Variants in EML6 observed in about 807,000 individuals in gnomAD.
EML6 encodes the protein EMAP like 6, also known as echinoderm microtubule-associated protein-like 6.
A neutral mutation model predicts 240.1 loss-of-function variants in EML6; 154 were observed. The observed-to-expected ratio is 0.64, with a 90% confidence interval of 0.56 to 0.73. The LOEUF (loss-of-function observed/expected upper bound fraction) is 0.73, where lower values mean the gene tolerates loss of function less well. Ranked by LOEUF, EML6 falls within the 30% of genes least tolerant of loss-of-function variation. The probability of loss-of-function intolerance (pLI) is 0.00; values close to 1 mark genes in which losing one functional copy is unlikely to be tolerated. For synonymous variants in EML6, 1,148 were observed against 899.0 expected, an observed-to-expected ratio of 1.28 and a Z score of -4.95; for missense variants, 2,964 against 2,474.6, an observed-to-expected ratio of 1.20 and a Z score of -4.20.
intron 22 of EML6, among the ~76,000 whole-genome samples, chr2:54,901,672 G>A (rs564326446): frequency 6.6e-6 from 1 of 152,306 alleles, no homozygotes; most frequent in South Asian, 2.1e-4. Flanking sequence ...GGGCAGGCTT[G>A]TATTTTCATT....
chr2:54,860,493 C>T (rs779444934), intron 12 of EML6, among the ~76,000 whole-genome samples: 8 of 152,164 alleles, frequency 5.3e-5, no homozygotes, highest in African/African-American at 1.9e-4. Flanking sequence ...TTTAGAGGGG[C>T]AGACACACAT....
At chr2:54,955,846 T>TGACCAC (rs1392655360) in intron 32 of EML6, among the ~76,000 whole-genome samples, 5 of 152,244 alleles carry the variant, frequency 3.3e-5, no homozygotes, top group African/African-American at 1.2e-4. Context: ...TCTTCCGGGT[T>TGACCAC]GACCACGGAC....
chr2:54,862,856 T>A (rs953148317), intron 12 of EML6, among the ~76,000 whole-genome samples: 5 of 152,218 alleles, frequency 3.3e-5, no homozygotes, highest in African/African-American at 1.2e-4. Context: ...ACGTGAAGAA[T>A]TAACCCTTGG....
At chr2:54,928,260 C>G (rs1045444538) in intron 26 of EML6, 53 bp from the exon 27 acceptor site, 20 of 1,363,506 alleles carry the variant, frequency 1.5e-5, no homozygotes, top group Non-Finnish European at 2.0e-5. Flanking sequence ...ATAAACGAGC[C>G]CAGAGAAAGG....
At chr2:54,826,571 C>A (rs1264027486) in intron 5 of EML6, among the ~76,000 whole-genome samples, 1 of 152,078 alleles carries the variant, frequency 6.6e-6, no homozygotes, top group African/African-American at 2.4e-5. Flanking sequence ...CTGCACTCCA[C>A]CCTGGGCAGC....
chr2:54,903,337 T>C (rs1673159273), intron 23 of EML6, 34 bp from the exon 24 acceptor site: 2 of 1,544,582 alleles, frequency 1.3e-6, no homozygotes, highest in Non-Finnish European at 1.7e-6. Flanking sequence ...CTATATAAAA[T>C]GCTTCGATGT....
chr2:54,823,782 G>C (rs188207160), intron 5 of EML6, among the ~76,000 whole-genome samples: 41 of 151,082 alleles, frequency 2.7e-4, no homozygotes, highest in African/African-American at 9.2e-4. Context: ...ATTTGTGATT[G>C]TTTCCCTCTG....
intron 28 of EML6, among the ~76,000 whole-genome samples, chr2:54,931,934 T>C (rs1377460473): frequency 6.6e-6 from 1 of 152,250 alleles, no homozygotes; most frequent in African/African-American, 2.4e-5. Context: ...TCAATTACTT[T>C]TGAAGCAACT....
rs147808390 is a variant in EML6, at chr2:54,792,861, A to G, written c.198-20371A>G. Among the ~76,000 whole-genome samples the G allele has an allele frequency of 3.5e-4, 53 of 152,362 alleles. 2 individuals carry two copies. In the South Asian group the frequency reaches 9.9e-3, roughly 29 times the overall value. ...AAGATGTTATGAGGACATACGGATT[A>G]TTGGAAGTAGTAGTTACTTCTGTCA... On this transcript the variant is annotated intron_variant, in intron 2 of 41. Transcript: ENST00000356458.
chr2:54,943,985 C>T (rs559266907), intron 28 of EML6, among the ~76,000 whole-genome samples: 2 of 152,120 alleles, frequency 1.3e-5, no homozygotes, highest in South Asian at 2.1e-4. Flanking sequence ...GAAAGAATCT[C>T]TCTTGGCCCT....
intron 38 of EML6, among the ~76,000 whole-genome samples, chr2:54,965,065 G>A (rs185956724): frequency 6.6e-6 from 1 of 152,220 alleles, no homozygotes; most frequent in African/African-American, 2.4e-5. Context: ...GCCTTGTGCC[G>A]CTTCTGGTAT....
intron 7 of EML6, among the ~76,000 whole-genome samples, chr2:54,842,189 T>C (rs1281826757): frequency 1.3e-5 from 2 of 152,216 alleles, no homozygotes; most frequent in Non-Finnish European, 2.9e-5. Flanking sequence ...TCCTACAGGA[T>C]AGTTTCACTG....
In EML6 at chr2:54,846,700, T is replaced by A. The variant is rs1669777496; in HGVS notation, c.1050-786T>A. ...AGTCTCACCATGTTGCTCAGGCTGGTCTTGAACTCCTGGGCTCAAGCAATC... is the reference window on the plus strand; with the variant it reads ...AGTCTCACCATGTTGCTCAGGCTGGACTTGAACTCCTGGGCTCAAGCAATC... On this transcript the variant is annotated intron_variant, in intron 8 of 41. Coordinates refer to ENST00000356458, the MANE Select transcript of EML6 (RefSeq NM_001039753.4). Among the ~76,000 whole-genome samples the A allele has an allele frequency of 4.6e-5, 7 of 152,188 alleles. 1 individual carries two copies. Among genetic ancestry groups the A allele is most frequent in the Admixed American group, 4.6e-4 (7 of 15,302 alleles).
chr2:54,868,744 A>G (rs1671099586), intron 14 of EML6: 1 of 155,520 alleles, frequency 6.4e-6, no homozygotes, highest in African/African-American at 2.4e-5. Context: ...TGTATTTTGA[A>G]TTGTTCCTTT....
intron 25 of EML6, among the ~76,000 whole-genome samples, chr2:54,912,762 G>A (rs1456284237): frequency 6.6e-6 from 1 of 152,204 alleles, no homozygotes; most frequent in Non-Finnish European, 1.5e-5. Flanking sequence ...TGGCTGCATA[G>A]TATTCTATGG....
At chr2:54,872,409 C>T (rs1671302721) in intron 16 of EML6, among the ~76,000 whole-genome samples, 1 of 152,030 alleles carries the variant, frequency 6.6e-6, no homozygotes, top group Non-Finnish European at 1.5e-5. Flanking sequence ...AATTCCATGA[C>T]TCCACAAGCC....
intron 2 of EML6, among the ~76,000 whole-genome samples, chr2:54,762,358 A>G (rs1668016421): frequency 6.6e-6 from 1 of 152,262 alleles, no homozygotes; most frequent in Non-Finnish European, 1.5e-5. Flanking sequence ...TCCACTCATT[A>G]TTGGTGATGT....
chr2:54,898,001 G>A (rs1294011499), intron 21 of EML6, among the ~76,000 whole-genome samples: 2 of 152,116 alleles, frequency 1.3e-5, no homozygotes, highest in African/African-American at 2.4e-5. Context: ...TGGTGGCACG[G>A]CAATCCAATC....
intron 5 of EML6, among the ~76,000 whole-genome samples, chr2:54,821,416 A>G (rs17046386): frequency 0.049 from 7,519 of 152,226 alleles, 602 homozygotes; most frequent in African/African-American, 0.17. Context: ...TGGAGTGACA[A>G]TGTTGATTCT....
Sources: allele counts gnomAD v4.1 joint callset (sites outside exome capture counted in the v4.1 genomes callset), GRCh38; gene constraint gnomAD v4.1.1; transcripts MANE v1.5; gene names NCBI Gene and HGNC (gene_info 2026-07-23, HGNC 2026-07-21).